The following TRPM6 variants were observed in gnomAD, a reference collection of about 807,000 sequenced individuals.
The protein encoded by TRPM6 is channel kinase 2.
A neutral mutation model predicts 247.6 loss-of-function variants in TRPM6; 111 were observed. That is an observed-to-expected ratio of 0.45 (90% CI 0.38 to 0.52). TRPM6 has a LOEUF of 0.52. Ranked by LOEUF, TRPM6 falls within the 20% of genes least tolerant of loss-of-function variation. The pLI, the probability that TRPM6 is intolerant of heterozygous loss-of-function variation, is 0.00. For missense variants in TRPM6, 2,126 were observed against 2,421.5 expected, an observed-to-expected ratio of 0.88 and a Z score of 2.56; for synonymous variants, 892 against 853.8, an observed-to-expected ratio of 1.04 and a Z score of -0.78.
chr9:74,739,390 T>C lies in TRPM6; in HGVS notation c.5547A>G (p.Pro1849=). 6.2e-7 allele frequency: 1 copy of C among 1,614,174 alleles called. No individual in the cohort carries two copies. Among genetic ancestry groups the C allele is most frequent in the Non-Finnish European group, 8.5e-7 (1 of 1,180,016 alleles). The part of the protein sequence containing the change: ...KLIYTFNQVK[P]QTIPYTPRFL... Reference sequence around the variant, plus strand: ...ACCTTGGTGTGTAGGGTATGGTTTGTGGTTTCACTTGGTTGAAGGTATAGA... The same window carrying C: ...ACCTTGGTGTGTAGGGTATGGTTTGCGGTTTCACTTGGTTGAAGGTATAGA... Residue 1849 remains proline (P), a synonymous_variant, in exon 35 of 39, where the codon CCA becomes CCG. Coordinates refer to ENST00000360774, the MANE Select transcript of TRPM6 (RefSeq NM_017662.5).
chr9:74,779,775 G>T (rs555092618), intron 23 of TRPM6, among the ~76,000 whole-genome samples: 3 of 152,232 alleles, frequency 2.0e-5, no homozygotes, highest in Non-Finnish European at 4.4e-5. Context: ...AGCATTCTAG[G>T]CAGAGGGAAT....
rs1422056293 is a variant in TRPM6 at position 74,724,209 on chromosome 9, G to T, written c.*404C>A. 3.9e-6 allele frequency: 1 copy of T among 258,168 alleles called. No individual in the cohort carries two copies. Among genetic ancestry groups the T allele is most frequent in the South Asian group, 5.1e-5 (1 of 19,452 alleles). 16.0% of individuals were successfully genotyped at this position (258,168 alleles called of 1,614,324 possible). On this transcript the variant is annotated 3_prime_UTR_variant, in exon 39 of 39. Coordinates refer to ENST00000360774, the MANE Select transcript of TRPM6 (RefSeq NM_017662.5). ...AGACATAAATACAATCTGTGGGTGA[G>T]GTGACAAATAGTAGTAGGGGGTCCA... is the stretch of plus-strand genomic sequence containing the variant.
At chr9:74,801,853 T>G (rs907406920) in intron 16 of TRPM6, 45 bp downstream of exon 16, 1 of 1,608,178 alleles carries the variant, frequency 6.2e-7, no homozygotes, top group Admixed American at 1.7e-5. Context: ...CTAACCATTC[T>G]AAGAAGTGTT....
chr9:74,782,892 A>T, intron 21 of TRPM6, 39 bp from the exon 22 acceptor site: 1 of 1,602,652 alleles, frequency 6.2e-7, no homozygotes, highest in Non-Finnish European at 8.5e-7. Context: ...TTTACCACAG[A>T]TTTGAAGTTC....
chr9:74,814,125 T>C (rs1828838918), intron 11 of TRPM6, among the ~76,000 whole-genome samples: 2 of 152,104 alleles, frequency 1.3e-5, no homozygotes, highest in African/African-American at 2.4e-5. Flanking sequence ...GGATTCTGGA[T>C]GCTAATGAAA....
chr9:74,744,914 A>C (rs545795841), intron 31 of TRPM6, among the ~76,000 whole-genome samples: 1 of 152,330 alleles, frequency 6.6e-6, no homozygotes, highest in South Asian at 2.1e-4. Context: ...AGGAACGAGA[A>C]TCACTTCCTT....
At chr9:74,852,450 CCTCCCTCTCCCTCTCCCT>C (rs201385236) in intron 3 of TRPM6, among the ~76,000 whole-genome samples, 15 of 148,256 alleles carry the variant, frequency 1.0e-4, no homozygotes, top group African/African-American at 3.0e-4. Context: ...CGCTCCCCCT[CCTCCCTCTCCCTCTCCCT>C]CTCCCTCTCC....
intron 25 of TRPM6, among the ~76,000 whole-genome samples, chr9:74,768,008 C>A (rs1587484661): frequency 6.6e-6 from 1 of 152,132 alleles, no homozygotes; most frequent in African/African-American, 2.4e-5. Context: ...CCATAATTTT[C>A]AGACGGTACA....
intron 31 of TRPM6, among the ~76,000 whole-genome samples, chr9:74,744,890 T>C (rs1048939312): frequency 2.0e-5 from 3 of 152,224 alleles, no homozygotes; most frequent in Admixed American, 6.5e-5. Context: ...GGGTTTTTGT[T>C]GCTGGATAAG....
In TRPM6 at chr9:74,842,225, G is replaced by C; in HGVS notation, c.271C>G (p.Pro91Ala). 1 of 1,613,958 alleles carries C rather than the reference G, an allele frequency of 6.2e-7. No homozygotes were observed. The highest frequency in any genetic ancestry group is 2.2e-5 in the East Asian group (1 of 44,882). ...WSVEKHTTKS[P>A]TDTFGTINFQ... ...TTAATCGTGCCAAAAGTATCTGTTG[G>C]GCTTTTCGTTGTGTGCTTTTCAACA... Residue 91 changes from proline (P) to alanine (A), a missense_variant, in exon 4 of 39, where the codon CCA becomes GCA. Pro to Ala is a conservative substitution (Grantham distance 27). This residue lies in a region of TRPM6 where 1,082 missense variants were observed against 1,307.9 expected (regional missense o/e 0.83). Coordinates refer to ENST00000360774, the MANE Select transcript of TRPM6 (RefSeq NM_017662.5).
intron 1 of TRPM6, among the ~76,000 whole-genome samples, chr9:74,871,476 T>C (rs1162978942): frequency 1.3e-5 from 2 of 152,202 alleles, no homozygotes; most frequent in African/African-American, 4.8e-5. Flanking sequence ...AATTGCTTCA[T>C]TTTATGAGGC....
intron 1 of TRPM6, among the ~76,000 whole-genome samples, chr9:74,867,079 T>C (rs534963549): frequency 8.5e-5 from 13 of 152,336 alleles, no homozygotes; most frequent in African/African-American, 2.6e-4. Context: ...AATTCTCATG[T>C]TTGCTTCTGC....
intron 30 of TRPM6, among the ~76,000 whole-genome samples, chr9:74,750,033 T>C (rs550255294): frequency 6.6e-6 from 1 of 152,318 alleles, no homozygotes; most frequent in South Asian, 2.1e-4. Flanking sequence ...AGAATTATCT[T>C]TGCTTGGTTG....
chr9:74,803,027 T>G (rs1828398898), intron 15 of TRPM6, among the ~76,000 whole-genome samples: 3 of 152,174 alleles, frequency 2.0e-5, no homozygotes, highest in Non-Finnish European at 4.4e-5. Flanking sequence ...ATACTAAAGA[T>G]TCAATAATTA....
intron 3 of TRPM6, among the ~76,000 whole-genome samples, chr9:74,851,185 T>C (rs948221815): frequency 2.6e-5 from 4 of 152,150 alleles, no homozygotes; most frequent in African/African-American, 9.7e-5. Flanking sequence ...TATATTCATG[T>C]TTGTCTCTTT....
In TRPM6 at chr9:74,792,773, A is replaced by C. The variant is rs779653449; in HGVS notation, c.2392-3T>G. 1 of 1,612,856 alleles carries C rather than the reference A, an allele frequency of 6.2e-7. No homozygotes were observed. The highest frequency in any genetic ancestry group is 1.1e-5 in the South Asian group (1 of 91,038). On this transcript the variant is annotated splice_polypyrimidine_tract_variant and splice_region_variant and intron_variant, in intron 18 of 38. Transcript: ENST00000360774. ...CCCCTTTCCAAATCATACTCTTTCT[A>C]TAAAATAAACAAATAATCATTTTCT... is the stretch of plus-strand genomic sequence containing the variant.
chr9:74,841,347 T>A (rs938325784), intron 4 of TRPM6, among the ~76,000 whole-genome samples: 1 of 152,134 alleles, frequency 6.6e-6, no homozygotes, highest in Non-Finnish European at 1.5e-5. Flanking sequence ...ACAGCAAGAA[T>A]AAGCCAGATT....
rs774626491 is a variant in TRPM6, at chr9:74,808,146, G to A, written c.1526C>T (p.Thr509Ile). ...TACTACTAATCCAATGTCAATCAAGGTTATTCGGTAGCCTGAAAGAAGGGT... is the reference window on the plus strand; with the variant it reads ...TACTACTAATCCAATGTCAATCAAGATTATTCGGTAGCCTGAAAGAAGGGT... ...QHTLLSGYRI[T>I]LIDIGLVVEY... The change falls in exon 14 of 39, where the codon ACC becomes ATC. Residue 509 changes from threonine (T) to isoleucine (I), a missense_variant. Physicochemically the swap from Thr to Ile is moderately conservative, Grantham distance 89 (BLOSUM62 -1). Around this residue, in one of 3 missense-constraint regions of TRPM6, gnomAD observed 1,082 missense variants for 1,307.9 expected, o/e 0.83. Transcript: ENST00000360774. The A allele has an allele frequency of 5.0e-6, 8 of 1,613,950 alleles. No individual in the cohort carries two copies. Among genetic ancestry groups the A allele is most frequent in the Non-Finnish European group, 6.8e-6 (8 of 1,179,924 alleles).
chr9:74,808,315 T>A, intron 13 of TRPM6, 141 bp from the exon 14 acceptor site: 2 of 1,042,234 alleles, frequency 1.9e-6, no homozygotes, highest in Non-Finnish European at 2.9e-6. Flanking sequence ...TTAATTTAAG[T>A]GACCAGCCAT....
Sources: gnomAD v4.1 joint callset for allele counts (sites outside exome capture counted in the v4.1 genomes callset) on GRCh38, gnomAD v4.1.1 for gene constraint, gnomAD v4.1.1 regional missense constraint, MANE v1.5 for transcripts, NCBI Gene and HGNC (gene_info 2026-07-23, HGNC 2026-07-21) for gene names.